Variants in MAD1L1 observed in about 807,000 individuals in gnomAD.
The protein encoded by MAD1L1 is mitotic arrest deficient 1 like 1.
A neutral mutation model predicts 96.9 loss-of-function variants in MAD1L1; 95 were observed. That is an observed-to-expected ratio of 0.98 (90% CI 0.83 to 1.16). The LOEUF (loss-of-function observed/expected upper bound fraction) is 1.16, where lower values mean the gene tolerates loss of function less well. Ranked by LOEUF, MAD1L1 falls within the 50% of genes most tolerant of loss-of-function variation. The pLI, the probability that MAD1L1 is intolerant of heterozygous loss-of-function variation, is 0.00. For missense variants in MAD1L1, 1,007 were observed against 954.4 expected (o/e 1.06, Z -0.73); for synonymous variants, 473 against 396.6 (o/e 1.19, Z -2.29).
chr7:2,001,585 G>A (rs1425274476), intron 14 of MAD1L1, among the ~76,000 whole-genome samples: 1 of 152,208 alleles, frequency 6.6e-6, no homozygotes, highest in Non-Finnish European at 1.5e-5. Context: ...ATTCACAGAG[G>A]GCAGATAAGC....
intron 12 of MAD1L1, among the ~76,000 whole-genome samples, chr7:2,046,678 T>A (rs550201597): frequency 6.6e-6 from 1 of 152,262 alleles, no homozygotes; most frequent in African/African-American, 2.4e-5. Flanking sequence ...GAGGACGTCT[T>A]AGTGTAGGAA....
intron 17 of MAD1L1, among the ~76,000 whole-genome samples, chr7:1,934,342 G>A (rs549547036): frequency 1.3e-5 from 2 of 152,316 alleles, no homozygotes; most frequent in African/African-American, 2.4e-5. Context: ...TGCCTGAGAC[G>A]CGCAGAGACC....
At chr7:2,098,585 C>T (rs1189376918) in intron 11 of MAD1L1, among the ~76,000 whole-genome samples, 1 of 152,038 alleles carries the variant, frequency 6.6e-6, no homozygotes, top group East Asian at 1.9e-4. Flanking sequence ...CTAAGGACGG[C>T]CCCCTCAAAC....
intron 18 of MAD1L1, among the ~76,000 whole-genome samples, chr7:1,827,880 C>T (rs571006784): frequency 2.6e-5 from 4 of 152,354 alleles, no homozygotes; most frequent in African/African-American, 7.2e-5. Flanking sequence ...CAGGAGAGGA[C>T]GTCAGCGGCC....
chr7:2,106,779 C>T (rs1348129207), intron 11 of MAD1L1, among the ~76,000 whole-genome samples: 1 of 152,228 alleles, frequency 6.6e-6, no homozygotes, highest in Non-Finnish European at 1.5e-5. Flanking sequence ...GGCTGCCCCT[C>T]CCCAGCTGTC....
intron 14 of MAD1L1, among the ~76,000 whole-genome samples, chr7:1,992,318 G>C (rs201265330): frequency 2.0e-5 from 3 of 151,798 alleles, no homozygotes; most frequent in African/African-American, 4.8e-5. Flanking sequence ...GCTTCCAAGG[G>C]CTCCAGAACC....
At chr7:1,999,295 T>C (rs751883475) in intron 14 of MAD1L1, among the ~76,000 whole-genome samples, 1 of 152,130 alleles carries the variant, frequency 6.6e-6, no homozygotes, top group Admixed American at 6.5e-5. Flanking sequence ...AAAAACATGG[T>C]TGATACTCCA....
intron 11 of MAD1L1, among the ~76,000 whole-genome samples, chr7:2,145,066 C>A (rs1228271012): frequency 6.6e-6 from 1 of 152,204 alleles, no homozygotes; most frequent in Non-Finnish European, 1.5e-5. Context: ...GAGCGCCTTA[C>A]GGCCAGTGCC....
intron 17 of MAD1L1, among the ~76,000 whole-genome samples, chr7:1,935,299 G>A (rs992136318): frequency 2.0e-5 from 3 of 152,258 alleles, no homozygotes; most frequent in African/African-American, 7.2e-5. Flanking sequence ...GGCCCTCACA[G>A]CCACAGTGGA....
At chr7:2,162,904 C>T (rs1790237437) in intron 10 of MAD1L1, among the ~76,000 whole-genome samples, 1 of 150,658 alleles carries the variant, frequency 6.6e-6, no homozygotes, top group Admixed American at 6.6e-5. Context: ...ACCATGTCCA[C>T]GACACACCGC....
intron 11 of MAD1L1, among the ~76,000 whole-genome samples, chr7:2,135,139 C>T (rs1562719126): frequency 1.3e-5 from 2 of 152,198 alleles, no homozygotes; most frequent in African/African-American, 2.4e-5. Flanking sequence ...GAACGGTGAG[C>T]GCACCTGCCT....
intron 10 of MAD1L1, among the ~76,000 whole-genome samples, chr7:2,209,369 G>A (rs1393504806): frequency 2.0e-5 from 3 of 152,192 alleles, no homozygotes; most frequent in Non-Finnish European, 2.9e-5. Context: ...CCTGTCCTTA[G>A]GGAAGGGCCC....
chr7:1,855,337 C>T (rs1020939564), intron 18 of MAD1L1, among the ~76,000 whole-genome samples: 3 of 151,992 alleles, frequency 2.0e-5, no homozygotes, highest in Non-Finnish European at 4.4e-5. Flanking sequence ...TCTCCAGCAG[C>T]GATGACAGCG....
At chr7:2,112,039 G>C (rs1240789474) in intron 11 of MAD1L1, among the ~76,000 whole-genome samples, 1 of 152,206 alleles carries the variant, frequency 6.6e-6, no homozygotes, top group Non-Finnish European at 1.5e-5. Flanking sequence ...ACAAGTCCCA[G>C]AGCAGCCGTG....
chr7:2,185,314 G>C (rs960283554), intron 10 of MAD1L1, among the ~76,000 whole-genome samples: 1 of 152,096 alleles, frequency 6.6e-6, no homozygotes, highest in African/African-American at 2.4e-5. Context: ...CTAATTTATG[G>C]TAATAGAAAT....
chr7:1,865,412 C>A (rs1784733616), intron 18 of MAD1L1, among the ~76,000 whole-genome samples: 1 of 152,254 alleles, frequency 6.6e-6, no homozygotes, highest in Non-Finnish European at 1.5e-5. Flanking sequence ...TGCTGCCCGG[C>A]TGTAGCCCTG....
chr7:2,193,810 G>A lies in MAD1L1; in HGVS notation c.986+19402C>T, dbSNP rs569274494. On this transcript the variant is annotated intron_variant, in intron 10 of 18. Coordinates refer to ENST00000265854, the MANE Select transcript of MAD1L1 (RefSeq NM_001013836.2). Reference sequence around the variant, plus strand: ...CTCTTCCACAACCACCCTCAGGCAAGGCCACACCGTCGCCCAACTGTCCCA... The same window carrying A: ...CTCTTCCACAACCACCCTCAGGCAAAGCCACACCGTCGCCCAACTGTCCCA... Among the ~76,000 whole-genome samples, 43 of 152,272 alleles carry A rather than the reference G, an allele frequency of 2.8e-4. No individual in the cohort carries two copies. In the Middle Eastern group the frequency reaches 0.01, roughly 36 times the overall value.
intron 12 of MAD1L1, among the ~76,000 whole-genome samples, chr7:2,038,173 G>A (rs563912356): frequency 2.0e-5 from 3 of 152,352 alleles, no homozygotes; most frequent in South Asian, 4.1e-4. Context: ...GAGGCTGAGA[G>A]AGGTGGGAAA....
At chr7:2,037,102 C>G (rs1241352327) in intron 12 of MAD1L1, among the ~76,000 whole-genome samples, 1 of 152,194 alleles carries the variant, frequency 6.6e-6, no homozygotes, top group African/African-American at 2.4e-5. Context: ...TCCAGCCATG[C>G]AGCAAACGTG....
Sources: gnomAD v4.1 joint callset for allele counts (sites outside exome capture counted in the v4.1 genomes callset) on GRCh38, gnomAD v4.1.1 for gene constraint, MANE v1.5 for transcripts, NCBI Gene and HGNC (gene_info 2026-07-23, HGNC 2026-07-21) for gene names.